Variants in TBC1D5 observed in about 807,000 individuals in gnomAD.
TBC1D5 encodes the protein TBC1 domain family member 5, also known as TBC1 domain family, member 5.
TBC1D5 carries 75 observed loss-of-function variants against 100.3 expected under a neutral mutation model. The ratio of observed to expected loss-of-function variants is 0.75; its 90% confidence interval spans 0.62 to 0.91. The LOEUF is 0.91. Among genes scored for constraint, TBC1D5 ranks in the 40% least tolerant of loss-of-function variants. The probability of loss-of-function intolerance (pLI) is 0.00; values close to 1 mark genes in which losing one functional copy is unlikely to be tolerated. For synonymous variants in TBC1D5, 323 were observed against 325.6 expected (o/e 0.99, Z 0.09); for missense variants, 910 against 942.4 (o/e 0.97, Z 0.45).
chr3:17,569,153 T>A (rs1458325550), intron 2 of TBC1D5, among the ~76,000 whole-genome samples: 1 of 151,830 alleles, frequency 6.6e-6, no homozygotes, highest in African/African-American at 2.4e-5. Flanking sequence ...CATCTAAAAA[T>A]CTGCAAACAG....
chr3:17,466,778 G>A (rs1393894063), intron 3 of TBC1D5, among the ~76,000 whole-genome samples: 1 of 148,768 alleles, frequency 6.7e-6, no homozygotes, highest in African/African-American at 2.5e-5. Context: ...TTTTTTTTTA[G>A]TAATTATGTC....
chr3:17,258,254 T>C (rs778388342), intron 16 of TBC1D5, among the ~76,000 whole-genome samples: 1 of 152,178 alleles, frequency 6.6e-6, no homozygotes, highest in Non-Finnish European at 1.5e-5. Flanking sequence ...AGTTTATTCA[T>C]GTTAGAAAAA....
chr3:17,508,575 G>A (rs778364031), exon 3 of TBC1D5: 1 of 1,610,408 alleles, frequency 6.2e-7, no homozygotes, highest in South Asian at 1.1e-5. Flanking sequence ...ATACATTGTG[G>A]GAACTGGACA....
rs75533334 is a variant in TBC1D5, at chr3:17,716,477, C to A, written c.-101+22866G>T. Among the ~76,000 whole-genome samples the A allele has an allele frequency of 3.4e-4, 51 of 151,980 alleles. 2 individuals are homozygous for A. The East Asian group carries it at 9.5e-3, about 28-fold the overall frequency. On this transcript the variant is annotated intron_variant, in intron 1 of 21. Transcript: ENST00000253692. ...AAAAAAATTAAAGACCTCCTGTCAGCGACTTATCATTCAAATCTACAAAAT... is the reference window on the plus strand; with the variant it reads ...AAAAAAATTAAAGACCTCCTGTCAGAGACTTATCATTCAAATCTACAAAAT...
chr3:17,435,701 T>A (rs1350567768), intron 3 of TBC1D5, among the ~76,000 whole-genome samples: 1 of 152,186 alleles, frequency 6.6e-6, no homozygotes, highest in African/African-American at 2.4e-5. Flanking sequence ...CACTCACAGA[T>A]GCCTGCGGCA....
At chr3:17,308,203 G>C in intron 13 of TBC1D5, 69 bp from the exon 14 acceptor site, 1 of 1,433,244 alleles carries the variant, frequency 7.0e-7, no homozygotes, top group Non-Finnish European at 9.2e-7. Flanking sequence ...ATTTTCTCAA[G>C]TAACTGTGAA....
At chr3:17,408,678 T>C (rs1158230302) in intron 4 of TBC1D5, among the ~76,000 whole-genome samples, 2 of 152,114 alleles carry the variant, frequency 1.3e-5, no homozygotes, top group Non-Finnish European at 2.9e-5. Flanking sequence ...GTGTGCCTTA[T>C]TGATTAAAGA....
At position 17,371,976 on chromosome 3, in the gene TBC1D5, G is replaced by C. The variant is rs190978502; in HGVS notation, c.995+99C>G. ...CGCTTGAGCCCAGGGGGCAGAGTTTGCAGTAAGCCAAGATCATGCCACTGC... is the reference window on the plus strand; with the variant it reads ...CGCTTGAGCCCAGGGGGCAGAGTTTCCAGTAAGCCAAGATCATGCCACTGC... On this transcript the variant is annotated intron_variant, in intron 13 of 21. Transcript: ENST00000253692. The C allele has an allele frequency of 3.4e-6, 4 of 1,173,908 alleles. No homozygotes were observed. In the Admixed American group the frequency reaches 1.1e-4, roughly 32 times the overall value. 72.7% of individuals were successfully genotyped at this position (1,173,908 alleles called of 1,614,324 possible).
At chr3:17,685,240 T>C (rs1417106795) in intron 1 of TBC1D5, among the ~76,000 whole-genome samples, 4 of 151,976 alleles carry the variant, frequency 2.6e-5, no homozygotes. Flanking sequence ...ACTATACTTT[T>C]GCCTTAGAGC....
chr3:17,274,156 A>G (rs960467040), intron 15 of TBC1D5, among the ~76,000 whole-genome samples: 1 of 152,198 alleles, frequency 6.6e-6, no homozygotes, highest in Non-Finnish European at 1.5e-5. Context: ...AATTTAAAAA[A>G]CATATACATA....
chr3:17,236,929 ATGTG>A (rs2075905144), intron 17 of TBC1D5, among the ~76,000 whole-genome samples: 1 of 152,346 alleles, frequency 6.6e-6, no homozygotes, highest in African/African-American at 2.4e-5. Context: ...GGGTGTGTGC[ATGTG>A]TGTGTACACA....
intron 14 of TBC1D5, among the ~76,000 whole-genome samples, chr3:17,300,426 C>T (rs998979880): frequency 2.6e-5 from 4 of 152,116 alleles, no homozygotes; most frequent in African/African-American, 9.7e-5. Context: ...ATTGAACATG[C>T]TGTTAACTAG....
chr3:17,670,157 G>A (rs1047503880), intron 1 of TBC1D5, among the ~76,000 whole-genome samples: 3 of 152,232 alleles, frequency 2.0e-5, no homozygotes, highest in African/African-American at 7.2e-5. Context: ...CAAAGTGCTG[G>A]GATTACAGGA....
chr3:17,185,137 G>A, exon 19 of TBC1D5: 2 of 1,613,480 alleles, frequency 1.2e-6, no homozygotes, highest in South Asian at 1.1e-5. Flanking sequence ...CCTTTGCACA[G>A]TATTTGCACA....
intron 16 of TBC1D5, among the ~76,000 whole-genome samples, chr3:17,254,566 A>G (rs1343971222): frequency 6.6e-6 from 1 of 152,092 alleles, no homozygotes; most frequent in East Asian, 1.9e-4. Flanking sequence ...CTGACATACA[A>G]AAATTCTTTA....
intron 3 of TBC1D5, among the ~76,000 whole-genome samples, chr3:17,452,628 A>G (rs1020265640): frequency 1.3e-5 from 2 of 152,224 alleles, no homozygotes; most frequent in Non-Finnish European, 2.9e-5. Context: ...AATTATAAAT[A>G]TATATGCATC....
At chr3:17,738,397 A>ACT (rs1220214393) in intron 1 of TBC1D5, among the ~76,000 whole-genome samples, 3 of 151,988 alleles carry the variant, frequency 2.0e-5, no homozygotes, top group African/African-American at 7.3e-5. Flanking sequence ...ACACACACAC[A>ACT]CACACTCTCT....
intron 2 of TBC1D5, among the ~76,000 whole-genome samples, chr3:17,532,202 A>C (rs569818919): frequency 6.6e-6 from 1 of 152,374 alleles, no homozygotes; most frequent in South Asian, 2.1e-4. Flanking sequence ...TCTCAAAAGA[A>C]GACATTTATG....
At chr3:17,199,008 G>A (rs2071097225) in intron 18 of TBC1D5, among the ~76,000 whole-genome samples, 1 of 152,180 alleles carries the variant, frequency 6.6e-6, no homozygotes, top group African/African-American at 2.4e-5. Context: ...TCCGCTACAT[G>A]TAGCTGAAAG....
Sources: allele counts gnomAD v4.1 joint callset (sites outside exome capture counted in the v4.1 genomes callset), GRCh38; gene constraint gnomAD v4.1.1; transcripts MANE v1.5; gene names NCBI Gene and HGNC (gene_info 2026-07-23, HGNC 2026-07-21).